DDX50: variants seen among roughly 807,000 people sequenced by gnomAD.
DDX50 encodes the protein DExD-box helicase 50.
DDX50 carries 56 observed loss-of-function variants against 94.8 expected under a neutral mutation model. The observed-to-expected ratio is 0.59, with a 90% CI of 0.48 to 0.74. The LOEUF is 0.74. Among genes scored for constraint, DDX50 ranks in the 30% least tolerant of loss-of-function variants. The pLI, the probability that DDX50 is intolerant of heterozygous loss-of-function variation, is 0.00. For synonymous variants in DDX50, 264 were observed against 295.4 expected (o/e 0.89, Z 1.09); for missense variants, 713 against 881.2 (o/e 0.81, Z 2.42).
intron 1 of DDX50, 101 bp from the exon 2 acceptor site, chr10:68,906,610 T>C: frequency 7.6e-7 from 1 of 1,312,978 alleles, no homozygotes; most frequent in Non-Finnish European, 1.1e-6. Context: ...AAAGTAACTG[T>C]AGATTGAGCT....
intron 14 of DDX50, among the ~76,000 whole-genome samples, chr10:68,945,108 C>T (rs1230473837): frequency 5.3e-5 from 8 of 151,986 alleles, no homozygotes; most frequent in South Asian, 2.1e-4. Flanking sequence ...ATTGGTATAG[C>T]GAATTCTTTA....
Position 68,937,021 on chromosome 10 carries a change from G to T in DDX50, c.1681G>T (p.Ala561Ser), listed in dbSNP as rs769128254. 6.2e-7 allele frequency: 1 copy of T among 1,612,544 alleles called. No individual in the cohort carries two copies. The highest frequency in any genetic ancestry group is 1.3e-5 in the African/African-American group (1 of 74,878). Residue 561 changes from alanine (A) to serine (S), a missense_variant, in exon 12 of 15, where the codon GCA (alanine) becomes TCA (serine). This residue lies in a region of DDX50 where 428 missense variants were observed against 602.3 expected (regional missense o/e 0.71). Coordinates refer to ENST00000373585, the MANE Select transcript of DDX50 (RefSeq NM_024045.2). ...GATAGAAGAGAAAGGTGCAGTGGAT[G>T]CATTGGCTGCAGCTTTAGCCCACAT... ...RLIEEKGAVD[A>S]LAAALAHISG...
At chr10:68,912,421 C>A (rs1841652719) in intron 4 of DDX50, among the ~76,000 whole-genome samples, 1 of 152,090 alleles carries the variant, frequency 6.6e-6, no homozygotes, top group Non-Finnish European at 1.5e-5. Context: ...ATTCTGTAGT[C>A]CAGGCTGGTT....
intron 7 of DDX50, among the ~76,000 whole-genome samples, chr10:68,917,358 G>T (rs1841825691): frequency 6.6e-6 from 1 of 152,028 alleles, no homozygotes; most frequent in African/African-American, 2.4e-5. Flanking sequence ...TACTTGGGAG[G>T]CTGAGAAAGA....
chr10:68,934,426 C>T lies in DDX50; in HGVS notation c.1401+66C>T. 1 of 1,592,086 alleles carries T rather than the reference C, an allele frequency of 6.3e-7. No individual in the cohort carries two copies. The highest frequency in any genetic ancestry group is 8.5e-7 in the Non-Finnish European group (1 of 1,170,500). ...TTATAAATTCCCATTTAATTTACAA[C>T]ATATTGCTTGGGATGTGAAAAATAT... is the stretch of plus-strand genomic sequence containing the variant. On this transcript the variant is annotated intron_variant, in intron 9 of 14. Transcript: ENST00000373585. This position sits in a 1 kb window ranked among gnomAD's most constrained non-coding sequence, Gnocchi z 4.0.
chr10:68,901,745 C>T (rs1254625975), intron 1 of DDX50, among the ~76,000 whole-genome samples: 1 of 152,236 alleles, frequency 6.6e-6, no homozygotes, highest in Non-Finnish European at 1.5e-5. Context: ...CAGACTCAAG[C>T]TCCCATCACC....
chr10:68,934,133 ATGT>A lies in DDX50; in HGVS notation c.1240-59_1240-57del, dbSNP rs1426350726. On this transcript the variant is annotated intron_variant, in intron 8 of 14. Transcript: ENST00000373585. This position sits in a 1 kb window ranked among gnomAD's most constrained non-coding sequence, Gnocchi z 4.0. ...AACATGCAAAAGGAGCACAGACTAGATGTTGTTGTGCTATCAGTTGCAAGTATG... is the reference window on the plus strand; with the variant it reads ...AACATGCAAAAGGAGCACAGACTAGATGTTGTGCTATCAGTTGCAAGTATG... 1.9e-5 allele frequency: 28 copies of A among 1,463,742 alleles called. No homozygotes were observed. Among genetic ancestry groups the A allele is most frequent in the Non-Finnish European group, 2.5e-5 (27 of 1,076,024 alleles). 90.7% of individuals were successfully genotyped at this position (1,463,742 alleles called of 1,614,324 possible).
At chr10:68,902,111 A>G (rs1206702047) in intron 1 of DDX50, among the ~76,000 whole-genome samples, 1 of 151,588 alleles carries the variant, frequency 6.6e-6, no homozygotes, top group Non-Finnish European at 1.5e-5. Context: ...GTTAAACTAA[A>G]TAAGTAAAGA....
intron 7 of DDX50, among the ~76,000 whole-genome samples, chr10:68,918,583 C>T (rs1306617069): frequency 6.6e-6 from 1 of 151,582 alleles, no homozygotes; most frequent in African/African-American, 2.4e-5. Context: ...CTACAGGTGC[C>T]CATGACTAAG....
intron 4 of DDX50, among the ~76,000 whole-genome samples, chr10:68,912,693 C>T (rs1841666014): frequency 6.6e-6 from 1 of 152,182 alleles, no homozygotes. Context: ...TTAGATAATT[C>T]CTGTAAAGCA....
intron 14 of DDX50, among the ~76,000 whole-genome samples, chr10:68,943,791 G>A (rs143822203): frequency 0.025 from 3,781 of 151,338 alleles, 66 homozygotes; most frequent in Middle Eastern, 0.042. Context: ...AGCACAGGTT[G>A]GTCTTGAACT....
chr10:68,922,761 C>CT, intron 8 of DDX50, among the ~76,000 whole-genome samples: 1 of 151,146 alleles, frequency 6.6e-6, no homozygotes, highest in African/African-American at 2.4e-5. Context: ...ATGCTGTACT[C>CT]TATCTTGGGT....
intron 12 of DDX50, among the ~76,000 whole-genome samples, chr10:68,939,647 C>T (rs557275338): frequency 1.3e-5 from 2 of 152,266 alleles, no homozygotes; most frequent in African/African-American, 4.8e-5. Context: ...TGTTCTTCCC[C>T]TCTAATAACC....
At chr10:68,916,174 T>G (rs1350489890) in intron 7 of DDX50, among the ~76,000 whole-genome samples, 2 of 151,984 alleles carry the variant, frequency 1.3e-5, no homozygotes, top group East Asian at 3.9e-4. Context: ...GCCAACATAA[T>G]GAAACCCTTT....
At position 68,946,425 on chromosome 10, in the gene DDX50, GA is replaced by G; in HGVS notation, c.2012del (p.Asn671ThrfsTer77). ...CCTGAAATTGAAGAATATTATGATG[GA>G]AACACATCTTCTAATTCCAGACAGA... ...KLPEIEEYYD[G>X]NTSSNSRQRS... On this transcript the variant is annotated frameshift_variant, in exon 15 of 15. Transcript: ENST00000373585. LOFTEE classifies it high-confidence loss of function. The G allele has an allele frequency of 6.2e-7, 1 of 1,614,218 alleles. No homozygotes were observed. The highest frequency in any genetic ancestry group is 8.5e-7 in the Non-Finnish European group (1 of 1,180,056).
rs564912398 is a variant in DDX50, at chr10:68,927,804, A to G, written c.1240-6395A>G. ...TAGATATATTTTTAAAGGGAGTCTT[A>G]TGCATGAATTAAACATCTTAAAATG... is the stretch of plus-strand genomic sequence containing the variant. On this transcript the variant is annotated intron_variant, in intron 8 of 14. Coordinates refer to ENST00000373585, the MANE Select transcript of DDX50 (RefSeq NM_024045.2). Among the ~76,000 whole-genome samples, 4 of 152,328 alleles carry G rather than the reference A, an allele frequency of 2.6e-5. No homozygotes were observed. In the South Asian group the frequency reaches 8.3e-4, roughly 32 times the overall value.
chr10:68,939,008 A>T (rs1842492972), intron 12 of DDX50, among the ~76,000 whole-genome samples: 1 of 152,166 alleles, frequency 6.6e-6, no homozygotes, highest in African/African-American at 2.4e-5. Flanking sequence ...TTTTAAACTG[A>T]AAGTAATATC....
intron 8 of DDX50, among the ~76,000 whole-genome samples, chr10:68,922,664 G>A (rs1841971175): frequency 6.6e-6 from 1 of 152,000 alleles, no homozygotes; most frequent in African/African-American, 2.4e-5. Flanking sequence ...GTGGTGGTGT[G>A]TGCCTGTACT....
At chr10:68,929,981 C>G (rs1274070652) in intron 8 of DDX50, among the ~76,000 whole-genome samples, 1 of 151,968 alleles carries the variant, frequency 6.6e-6, no homozygotes, top group African/African-American at 2.4e-5. Flanking sequence ...GATCCGCCCA[C>G]TTTGGCTTCC....
Sources: allele counts gnomAD v4.1 joint callset (sites outside exome capture counted in the v4.1 genomes callset), GRCh38; gene constraint gnomAD v4.1.1; regional missense constraint gnomAD v4.1.1; non-coding constraint Gnocchi (gnomAD v3.1); transcripts MANE v1.5; gene names NCBI Gene and HGNC (gene_info 2026-07-23, HGNC 2026-07-21).